The following KCNH7 variants were observed in gnomAD, a reference collection of about 807,000 sequenced individuals.
The protein encoded by KCNH7 is voltage-gated inwardly rectifying potassium channel KCNH7.
KCNH7 carries 49 observed loss-of-function variants against 120.8 expected under a neutral mutation model. The ratio of observed to expected loss-of-function variants is 0.41; its 90% CI spans 0.32 to 0.51. The LOEUF (loss-of-function observed/expected upper bound fraction) is 0.51. Among genes scored for constraint, KCNH7 ranks in the 20% least tolerant of loss-of-function variants. KCNH7 has a pLI of 0.38. For missense variants in KCNH7, 1,097 were observed against 1,446.6 expected (o/e 0.76, Z 3.92); for synonymous variants, 547 against 516.1 (o/e 1.06, Z -0.81).
At chr2:162,380,062 C>T (rs1686360459) in intron 13 of KCNH7, 41 bp from the exon 14 acceptor site, 1 of 1,599,870 alleles carries the variant, frequency 6.3e-7, no homozygotes, top group Non-Finnish European at 8.6e-7. Flanking sequence ...CTCTTAGGTG[C>T]CCCTTTGCGT....
chr2:162,670,991 A>T (rs142455842), intron 2 of KCNH7, among the ~76,000 whole-genome samples: 1 of 152,174 alleles, frequency 6.6e-6, no homozygotes, highest in Non-Finnish European at 1.5e-5. Context: ...ATCATTAATC[A>T]TCAGAGAAAT....
intron 13 of KCNH7, among the ~76,000 whole-genome samples, chr2:162,383,165 C>T (rs751916647): frequency 9.2e-5 from 14 of 151,892 alleles, no homozygotes; most frequent in Non-Finnish European, 8.8e-5. Flanking sequence ...ACTTGAGACT[C>T]TAAAACTCAA....
chr2:162,748,927 T>TTTCCTTCCTTCCTTCCTTCC (rs1219510782), intron 2 of KCNH7, among the ~76,000 whole-genome samples: 17 of 27,862 alleles, frequency 6.1e-4, no homozygotes, highest in African/African-American at 9.2e-4. Flanking sequence ...TTCCCTTTCC[T>TTTCCTTCCTTCCTTCCTTCC]TTCCTTCCTT....
intron 12 of KCNH7, among the ~76,000 whole-genome samples, chr2:162,389,393 C>G (rs767478602): frequency 1.3e-5 from 2 of 151,924 alleles, no homozygotes; most frequent in African/African-American, 4.8e-5. Context: ...CTGACGCAAT[C>G]ATTTTTTCAA....
intron 3 of KCNH7, among the ~76,000 whole-genome samples, chr2:162,519,976 A>G (rs1322322927): frequency 4.0e-5 from 6 of 151,630 alleles, no homozygotes; most frequent in Admixed American, 3.9e-4. Context: ...TTCTACATGC[A>G]CATATTTAAT....
At chr2:162,791,222 T>G (rs966376754) in intron 2 of KCNH7, among the ~76,000 whole-genome samples, 2 of 152,118 alleles carry the variant, frequency 1.3e-5, no homozygotes, top group Non-Finnish European at 2.9e-5. Flanking sequence ...CCTCCAGCTT[T>G]GTTCTTTTTG....
chr2:162,654,159 A>G (rs1480467538), intron 2 of KCNH7, among the ~76,000 whole-genome samples: 4 of 150,238 alleles, frequency 2.7e-5, no homozygotes, highest in Non-Finnish European at 5.9e-5. Flanking sequence ...ATGAAATCCA[A>G]AAAAAAAGCT....
At chr2:162,679,352 T>C (rs576617922) in intron 2 of KCNH7, among the ~76,000 whole-genome samples, 1 of 151,822 alleles carries the variant, frequency 6.6e-6, no homozygotes, top group African/African-American at 2.4e-5. Flanking sequence ...TATATGTTTG[T>C]GTGTATTTAA....
At chr2:162,781,123 A>C (rs1683466878) in intron 2 of KCNH7, among the ~76,000 whole-genome samples, 1 of 152,076 alleles carries the variant, frequency 6.6e-6, no homozygotes, top group African/African-American at 2.4e-5. Context: ...AGAGGTTTGA[A>C]GTATTATATA....
At chr2:162,524,329 G>A (rs140637135) in intron 3 of KCNH7, among the ~76,000 whole-genome samples, 20 of 152,058 alleles carry the variant, frequency 1.3e-4, no homozygotes, top group African/African-American at 4.6e-4. Flanking sequence ...GCCACACCAC[G>A]GCAAAGGCCA....
At chr2:162,599,409 C>G (rs1175755222) in intron 2 of KCNH7, among the ~76,000 whole-genome samples, 1 of 151,882 alleles carries the variant, frequency 6.6e-6, no homozygotes, top group Non-Finnish European at 1.5e-5. Context: ...GTAACCTTTC[C>G]TCTATGAAAT....
chr2:162,741,716 T>C (rs531420965), intron 2 of KCNH7, among the ~76,000 whole-genome samples: 1 of 152,240 alleles, frequency 6.6e-6, no homozygotes, highest in South Asian at 2.1e-4. Flanking sequence ...TGGTATTTTA[T>C]GTTTATGTAG....
At chr2:162,586,398 T>G (rs931678898) in intron 2 of KCNH7, among the ~76,000 whole-genome samples, 1 of 152,044 alleles carries the variant, frequency 6.6e-6, no homozygotes, top group African/African-American at 2.4e-5. Flanking sequence ...CCAGGCTCCC[T>G]GGCCATCCCA....
chr2:162,571,926 C>G (rs1223414446), intron 2 of KCNH7, among the ~76,000 whole-genome samples: 1 of 151,756 alleles, frequency 6.6e-6, no homozygotes, highest in Non-Finnish European at 1.5e-5. Flanking sequence ...AACGTTAGAC[C>G]TAAAATCATA....
chr2:162,715,934 G>T (rs1687102016), intron 2 of KCNH7, among the ~76,000 whole-genome samples: 1 of 146,656 alleles, frequency 6.8e-6, no homozygotes, highest in African/African-American at 2.7e-5. Context: ...CTTTCCATCT[G>T]GGAGCATGTC....
chr2:162,400,303 G>A lies in KCNH7; in HGVS notation c.2293C>T (p.His765Tyr). ...RALAMKFKTT[H>Y]APPGDTLVHC... is the part of the protein sequence containing the mutation. ...ACGAGGGTGTCTCCTGGAGGTGCATGGGTGGTTTTGAACTTCATTGCCAAA... is the reference window on the plus strand; with the variant it reads ...ACGAGGGTGTCTCCTGGAGGTGCATAGGTGGTTTTGAACTTCATTGCCAAA... Residue 765 changes from histidine to tyrosine, a missense_variant, in exon 10 of 16, where the codon CAT becomes TAT. Transcript: ENST00000332142. 6.2e-7 allele frequency: 1 copy of A among 1,612,532 alleles called. No homozygotes were observed. Among genetic ancestry groups the A allele is most frequent in the Non-Finnish European group, 8.5e-7 (1 of 1,179,046 alleles).
chr2:162,521,465 ATT>A (rs1691518853), intron 3 of KCNH7, among the ~76,000 whole-genome samples: 2 of 151,900 alleles, frequency 1.3e-5, no homozygotes, highest in South Asian at 4.1e-4. Context: ...TCTCTACTTG[ATT>A]TAACTCATTG....
Position 162,422,676 on chromosome 2 carries a change from G to T in KCNH7, c.2154+660C>A, listed in dbSNP as rs558952950. Among the ~76,000 whole-genome samples, 22 of 152,114 alleles carry T rather than the reference G, an allele frequency of 1.4e-4. No individual in the cohort carries two copies. In the East Asian group the frequency reaches 4.3e-3, roughly 29 times the overall value. On this transcript the variant is annotated intron_variant, in intron 9 of 15. Transcript: ENST00000332142. ...TTTTGAGCAGTGATACAGGAAGGGA[G>T]GTTATGACAGGTGATTGCTGATGCT...
At chr2:162,467,448 C>G (rs547030113) in intron 6 of KCNH7, among the ~76,000 whole-genome samples, 1 of 152,126 alleles carries the variant, frequency 6.6e-6, no homozygotes. Flanking sequence ...TCTCTGAGGG[C>G]TGGTTGTTCA....
Sources: gnomAD v4.1 joint callset for allele counts (sites outside exome capture counted in the v4.1 genomes callset) on GRCh38, gnomAD v4.1.1 for gene constraint, MANE v1.5 for transcripts, NCBI Gene and HGNC (gene_info 2026-07-23, HGNC 2026-07-21) for gene names.